Variants in SPAG6 observed in about 807,000 individuals in gnomAD.
The protein encoded by SPAG6 is sperm associated antigen 6, also known as sperm-associated antigen 6.
In SPAG6, 49 loss-of-function variants were observed where a neutral mutation model predicts 58.5. The observed-to-expected ratio is 0.84, with a 90% CI of 0.67 to 1.06. The LOEUF (loss-of-function observed/expected upper bound fraction) is 1.06. SPAG6 is among the 50% of genes least tolerant of loss of function. The pLI, the probability that SPAG6 is intolerant of heterozygous loss-of-function variation, is 0.00. For synonymous variants in SPAG6, 233 were observed against 225.6 expected, an observed-to-expected ratio of 1.03 and a Z score of -0.29; for missense variants, 560 against 611.3, an observed-to-expected ratio of 0.92 and a Z score of 0.89.
chr10:22,366,636 G>C (rs1187344265), intron 3 of SPAG6, among the ~76,000 whole-genome samples: 1 of 152,102 alleles, frequency 6.6e-6, no homozygotes, highest in Non-Finnish European at 1.5e-5. Flanking sequence ...TTATAGATGA[G>C]AGAGTCACTT....
chr10:22,377,448 T>A (rs929046416), intron 4 of SPAG6, among the ~76,000 whole-genome samples: 1 of 152,224 alleles, frequency 6.6e-6, no homozygotes, highest in African/African-American at 2.4e-5. Context: ...ATAACTAATA[T>A]GTAATCTGAA....
At chr10:22,413,574 T>C (rs1834796399) in intron 10 of SPAG6, among the ~76,000 whole-genome samples, 2 of 151,884 alleles carry the variant, frequency 1.3e-5, no homozygotes, top group Non-Finnish European at 2.9e-5. Context: ...CAAAATACCA[T>C]TGTAAATTTT....
At chr10:22,370,423 T>TC (rs1833656942) in intron 4 of SPAG6, among the ~76,000 whole-genome samples, 1 of 152,294 alleles carries the variant, frequency 6.6e-6, no homozygotes, top group Non-Finnish European at 1.5e-5. Context: ...AGAAAGGATA[T>TC]CCAAAATTAT....
At chr10:22,370,169 A>T (rs773379446) in intron 4 of SPAG6, among the ~76,000 whole-genome samples, 57 of 152,360 alleles carry the variant, frequency 3.7e-4, no homozygotes, top group African/African-American at 1.3e-3. Context: ...ATAAGTTTTT[A>T]TGTGGATATA....
intron 5 of SPAG6, 85 bp downstream of exon 5, chr10:22,387,044 TA>T (rs1384364667): frequency 1.0e-6 from 1 of 990,882 alleles, no homozygotes; most frequent in Non-Finnish European, 1.5e-6. Context: ...ATTTTGCATC[TA>T]AAAATAATTA....
At chr10:22,397,925 T>C (rs1834333334) in intron 8 of SPAG6, among the ~76,000 whole-genome samples, 2 of 152,050 alleles carry the variant, frequency 1.3e-5, no homozygotes, top group Non-Finnish European at 1.5e-5. Flanking sequence ...TGAAAATTCA[T>C]GTGGAAATGA....
At chr10:22,353,860 A>G (rs1836794846) in intron 2 of SPAG6, among the ~76,000 whole-genome samples, 1 of 152,218 alleles carries the variant, frequency 6.6e-6, no homozygotes, top group Non-Finnish European at 1.5e-5. Flanking sequence ...ACTGTGCTGA[A>G]TTTCCTAGGA....
intron 10 of SPAG6, among the ~76,000 whole-genome samples, chr10:22,415,243 T>G (rs1257835875): frequency 6.6e-6 from 1 of 150,544 alleles, no homozygotes; most frequent in Admixed American, 6.6e-5. Context: ...TATTAATATG[T>G]TAATATGGTA....
chr10:22,395,234 G>A lies in SPAG6; in HGVS notation c.1197+3314G>A, dbSNP rs556316909. On this transcript the variant is annotated intron_variant, in intron 8 of 10. Coordinates refer to ENST00000376624, the MANE Select transcript of SPAG6 (RefSeq NM_012443.4). ...TATTGTAACAAGTTTTCGTGTGGATGTATGTTTTCATTTCTCTTGGGTATT... is the reference window on the plus strand; with the variant it reads ...TATTGTAACAAGTTTTCGTGTGGATATATGTTTTCATTTCTCTTGGGTATT... Among the ~76,000 whole-genome samples the A allele has an allele frequency of 5.9e-5, 9 of 152,280 alleles. No individual in the cohort carries two copies. In the East Asian group the frequency reaches 1.7e-3, roughly 29 times the overall value.
intron 7 of SPAG6, among the ~76,000 whole-genome samples, chr10:22,390,273 TC>T (rs1423561875): frequency 6.6e-6 from 1 of 152,174 alleles, no homozygotes; most frequent in African/African-American, 2.4e-5. Flanking sequence ...AGGTTTTTGA[TC>T]CTTGGTTCTT....
Position 22,360,943 on chromosome 10 carries a change from A to G in SPAG6, c.122-3910A>G, listed in dbSNP as rs140207757. ...CACCATTTTTATGCAGTTTCCTTGC[A>G]TATTTATCTGTAGTTTTAAGAGAAA... On this transcript the variant is annotated intron_variant, in intron 2 of 10. Transcript: ENST00000376624. 3.6e-3 allele frequency: 2,773 copies of G among 778,348 alleles called. 8 individuals are homozygous for G. Among genetic ancestry groups the G allele is most frequent in the Non-Finnish European group, 4.9e-3 (2,284 of 463,812 alleles). 48.2% of individuals were successfully genotyped at this position (778,348 alleles called of 1,614,324 possible). A position where few individuals can be genotyped will look rare whatever the true frequency, so the allele number is the denominator to read the frequency against.
chr10:22,411,039 G>C lies in SPAG6; in HGVS notation c.1323G>C (p.Pro441=), dbSNP rs765396185. ...HVVGQFSKVL[P]HDSKARRLFV... is the part of the protein sequence containing the mutation. ...GTGCTTCACTTTGCAAGGTGCTGCC[G>C]CATGATAGCAAAGCTCGACGACTTT... Residue 441 remains proline (P), a synonymous_variant, in exon 10 of 11, where the codon CCG becomes CCC. Coordinates refer to ENST00000376624, the MANE Select transcript of SPAG6 (RefSeq NM_012443.4). The C allele has an allele frequency of 1.2e-6, 2 of 1,613,522 alleles. No individual in the cohort carries two copies. Among genetic ancestry groups the C allele is most frequent in the South Asian group, 2.2e-5 (2 of 90,892 alleles).
At chr10:22,360,702 G>A (rs907418906) in intron 2 of SPAG6, 1 of 680,622 alleles carries the variant, frequency 1.5e-6, no homozygotes, top group Non-Finnish European at 2.4e-6. Flanking sequence ...ATATTACATA[G>A]TATATGTTGG....
chr10:22,348,046 A>T (rs968506693), intron 2 of SPAG6, among the ~76,000 whole-genome samples: 1 of 152,050 alleles, frequency 6.6e-6, no homozygotes, highest in Non-Finnish European at 1.5e-5. Context: ...GCTAGAGTGC[A>T]GTGGCATGAT....
At chr10:22,360,152 G>A (rs1836993241) in intron 2 of SPAG6, among the ~76,000 whole-genome samples, 2 of 152,030 alleles carry the variant, frequency 1.3e-5, no homozygotes, top group Admixed American at 6.6e-5. Flanking sequence ...TCCTTCACTA[G>A]ACTATTAGTT....
chr10:22,409,633 C>G (rs1834675810), intron 9 of SPAG6, among the ~76,000 whole-genome samples: 1 of 152,108 alleles, frequency 6.6e-6, no homozygotes, highest in African/African-American at 2.4e-5. Flanking sequence ...GGAGGAAGGA[C>G]AAGTGAAAAG....
intron 2 of SPAG6, chr10:22,346,139 A>G (rs1015175098): frequency 7.4e-7 from 1 of 1,358,668 alleles, no homozygotes. Context: ...ATTTTATCCA[A>G]GTGCCATTTT....
rs1205676357 is a variant in SPAG6 at position 22,345,499 on chromosome 10, G to A, written c.-113G>A. The stretch of plus-strand genomic sequence containing the variant: ...TGCCCGGGAGACGCGGGTACACAGA[G>A]AAGCGGCTCCCGTCGGAGGCCGAGT... On this transcript the variant is annotated 5_prime_UTR_variant, in exon 1 of 11. Coordinates refer to ENST00000376624, the MANE Select transcript of SPAG6 (RefSeq NM_012443.4). The surrounding 1 kb of genome is among the most constrained non-coding windows in gnomAD (Gnocchi z 6.3). The A allele has an allele frequency of 2.2e-6, 2 of 891,260 alleles. No homozygotes were observed. Among genetic ancestry groups the A allele is most frequent in the Non-Finnish European group, 3.3e-6 (2 of 601,334 alleles). The allele number at this position is 891,260 out of a possible 1,614,324, so 55.2% of individuals were successfully genotyped here. A position where few individuals can be genotyped will look rare whatever the true frequency, so the allele number is the denominator to read the frequency against.
At chr10:22,361,233 C>A in intron 2 of SPAG6, 1 of 173,356 alleles carries the variant, frequency 5.8e-6, no homozygotes, top group Admixed American at 6.2e-5. Context: ...GTGCTACTGT[C>A]TAAACTAAAC....
Sources: gnomAD v4.1 joint callset for allele counts (sites outside exome capture counted in the v4.1 genomes callset) on GRCh38, gnomAD v4.1.1 for gene constraint, Gnocchi (gnomAD v3.1) non-coding constraint, MANE v1.5 for transcripts, NCBI Gene and HGNC (gene_info 2026-07-23, HGNC 2026-07-21) for gene names.